Variants in GRID2 observed in about 807,000 individuals in gnomAD.
GRID2 encodes glutamate receptor ionotropic, delta-2.
GRID2 carries 33 observed loss-of-function variants against 114.8 expected under a neutral mutation model. The ratio of observed to expected loss-of-function variants is 0.29; its 90% CI spans 0.22 to 0.38. GRID2 has a LOEUF of 0.38. GRID2 is among the 10% of genes least tolerant of loss of function. The pLI is 1.00. For missense variants in GRID2, 1,184 were observed against 1,257.7 expected (o/e 0.94, Z 0.89); for synonymous variants, 505 against 449.9 (o/e 1.12, Z -1.55).
intron 2 of GRID2, among the ~76,000 whole-genome samples, chr4:92,969,616 G>A (rs1053535416): frequency 2.0e-5 from 3 of 151,498 alleles, no homozygotes; most frequent in Non-Finnish European, 3.0e-5. Context: ...TCCTCATAAC[G>A]CTATGAGACT....
chr4:93,804,426 A>T (rs900424194), intron 1 of GRID2, among the ~76,000 whole-genome samples: 3 of 152,222 alleles, frequency 2.0e-5, no homozygotes, highest in Admixed American at 2.0e-4. Flanking sequence ...CAACCGGTAC[A>T]GCACGCCGCT....
chr4:92,794,927 T>C lies in GRID2; in HGVS notation c.244+204641T>C, dbSNP rs532360316. Among the ~76,000 whole-genome samples, 7 of 132,048 alleles carry C rather than the reference T, an allele frequency of 5.3e-5. No individual in the cohort carries two copies. The South Asian group carries it at 1.0e-3, about 19-fold the overall frequency. The allele number at this position is 132,048 out of a possible 152,430, so 86.6% of individuals were successfully genotyped here. On this transcript the variant is annotated intron_variant, in intron 2 of 15. Coordinates refer to ENST00000282020, the MANE Select transcript of GRID2 (RefSeq NM_001510.4). ...ATATACACACACACACACACACACATATCCTGTATACTTACAATAAAGTAA... is the reference window on the plus strand; with the variant it reads ...ATATACACACACACACACACACACACATCCTGTATACTTACAATAAAGTAA...
intron 2 of GRID2, among the ~76,000 whole-genome samples, chr4:93,004,686 C>T (rs980859676): frequency 2.0e-5 from 3 of 151,986 alleles, no homozygotes; most frequent in African/African-American, 7.2e-5. Flanking sequence ...CAGAGCAGAA[C>T]TCCTAAATGA....
chr4:92,680,519 A>G (rs1733601163), intron 2 of GRID2, among the ~76,000 whole-genome samples: 1 of 152,164 alleles, frequency 6.6e-6, no homozygotes, highest in Non-Finnish European at 1.5e-5. Context: ...AGTAAAAGAA[A>G]GGGGGTAATT....
At chr4:92,441,870 G>A (rs1207555432) in intron 1 of GRID2, among the ~76,000 whole-genome samples, 25 of 151,978 alleles carry the variant, frequency 1.6e-4, no homozygotes, top group African/African-American at 4.6e-4. Context: ...AAGAAGGGAG[G>A]CAATGAGATA....
intron 2 of GRID2, among the ~76,000 whole-genome samples, chr4:92,851,166 T>G (rs1276178664): frequency 6.6e-6 from 1 of 151,970 alleles, no homozygotes; most frequent in African/African-American, 2.4e-5. Flanking sequence ...GATGGTAATA[T>G]GTACTTGTGA....
intron 2 of GRID2, among the ~76,000 whole-genome samples, chr4:92,832,374 T>G (rs1478825671): frequency 1.3e-5 from 2 of 151,940 alleles, no homozygotes; most frequent in Middle Eastern, 6.3e-3. Context: ...AATATCTTTT[T>G]TTGTTGTTTT....
At chr4:92,544,068 C>A (rs570072815) in intron 1 of GRID2, among the ~76,000 whole-genome samples, 13 of 152,194 alleles carry the variant, frequency 8.5e-5, no homozygotes, top group Non-Finnish European at 4.4e-5. Flanking sequence ...AGACATGTTG[C>A]ACATCACTGG....
chr4:93,565,294 G>A (rs1735297599), intron 13 of GRID2, among the ~76,000 whole-genome samples: 2 of 152,062 alleles, frequency 1.3e-5, no homozygotes, highest in African/African-American at 4.8e-5. Context: ...AATAACATTG[G>A]TGGATTTCAT....
chr4:93,133,733 C>T (rs1472958031), intron 4 of GRID2, among the ~76,000 whole-genome samples: 2 of 151,952 alleles, frequency 1.3e-5, no homozygotes, highest in Non-Finnish European at 2.9e-5. Flanking sequence ...CCCTAATTAC[C>T]AACAGAAAGC....
chr4:93,501,905 T>C (rs1307779681), intron 12 of GRID2, among the ~76,000 whole-genome samples: 1 of 152,116 alleles, frequency 6.6e-6, no homozygotes, highest in East Asian at 1.9e-4. Context: ...ACCTATTAAG[T>C]GCTGTGCTCA....
At chr4:93,573,645 A>G (rs72670645) in intron 13 of GRID2, among the ~76,000 whole-genome samples, 2,837 of 152,248 alleles carry the variant, frequency 0.019, 42 homozygotes, top group East Asian at 0.082. Flanking sequence ...TAATTCTATG[A>G]AGTATATCCA....
At chr4:92,869,394 A>G (rs562692757) in intron 2 of GRID2, among the ~76,000 whole-genome samples, 10 of 152,322 alleles carry the variant, frequency 6.6e-5, no homozygotes, top group African/African-American at 2.4e-4. Context: ...AATCCAGCAG[A>G]TGAGGTCCAC....
chr4:93,564,705 G>A (rs1417900267), intron 13 of GRID2, among the ~76,000 whole-genome samples: 1 of 151,930 alleles, frequency 6.6e-6, no homozygotes, highest in African/African-American at 2.4e-5. Flanking sequence ...TGAAAATACT[G>A]GTCTTATAAG....
At chr4:93,482,079 T>C (rs1725932321) in intron 11 of GRID2, among the ~76,000 whole-genome samples, 1 of 152,058 alleles carries the variant, frequency 6.6e-6, no homozygotes, top group Admixed American at 6.6e-5. Flanking sequence ...ACAAATTAGT[T>C]CCATTGAATG....
intron 11 of GRID2, among the ~76,000 whole-genome samples, chr4:93,473,625 G>A (rs955080684): frequency 3.9e-5 from 6 of 151,918 alleles, no homozygotes; most frequent in Admixed American, 6.6e-5. Flanking sequence ...TGTTAAAAAC[G>A]TAGGCAAAAG....
At chr4:93,035,619 C>T (rs1724865603) in intron 2 of GRID2, among the ~76,000 whole-genome samples, 1 of 152,130 alleles carries the variant, frequency 6.6e-6, no homozygotes, top group African/African-American at 2.4e-5. Context: ...CTACTATCCT[C>T]TCAAGTACTG....
intron 14 of GRID2, among the ~76,000 whole-genome samples, chr4:93,688,087 T>C (rs1417453334): frequency 6.6e-6 from 1 of 151,966 alleles, no homozygotes; most frequent in Non-Finnish European, 1.5e-5. Flanking sequence ...CATCTGATAG[T>C]TTCTGTTTAT....
intron 14 of GRID2, among the ~76,000 whole-genome samples, chr4:93,704,160 GTT>G (rs1727782334): frequency 6.6e-6 from 1 of 152,118 alleles, no homozygotes; most frequent in Admixed American, 6.6e-5. Context: ...AGCACCTGTT[GTT>G]TCCTGACTTT....
Sources: allele counts gnomAD v4.1 joint callset (sites outside exome capture counted in the v4.1 genomes callset), GRCh38; gene constraint gnomAD v4.1.1; transcripts MANE v1.5; gene names NCBI Gene and HGNC (gene_info 2026-07-23, HGNC 2026-07-21).